The following COX5A variants were observed in gnomAD, a reference collection of about 807,000 sequenced individuals.
The protein encoded by COX5A is cytochrome c oxidase subunit 5A, mitochondrial.
Under a neutral mutation model 16.1 loss-of-function variants are expected in COX5A, and 6 were observed. The ratio of observed to expected loss-of-function variants is 0.37; its 90% CI spans 0.20 to 0.73. The LOEUF (loss-of-function observed/expected upper bound fraction) is 0.73, where lower values mean the gene tolerates loss of function less well. COX5A is among the 30% of genes least tolerant of loss of function. The pLI, the probability that COX5A is intolerant of heterozygous loss-of-function variation, is 0.50. For missense variants in COX5A, 159 were observed against 194.9 expected (o/e 0.82, Z 1.10); for synonymous variants, 73 against 73.8 (o/e 0.99, Z 0.06).
rs556327369 is a variant in COX5A at position 74,923,173 on chromosome 15, C to T, written c.*9+475G>A. Reference sequence around the variant, plus strand: ...GGGCGCGGTGGCTCAAGCCTGTAATCCCAGCACTTTGGGAGGCCAAGGCAG... The same window carrying T: ...GGGCGCGGTGGCTCAAGCCTGTAATTCCAGCACTTTGGGAGGCCAAGGCAG... On this transcript the variant is annotated intron_variant, in intron 4 of 4. Transcript: ENST00000322347. Among the ~76,000 whole-genome samples the T allele has an allele frequency of 2.3e-4, 35 of 152,006 alleles. 1 individual carries two copies. In the South Asian group the frequency reaches 2.9e-3, roughly 13 times the overall value.
chr15:74,933,076 G>A (rs1348984168), intron 1 of COX5A, among the ~76,000 whole-genome samples: 1 of 151,888 alleles, frequency 6.6e-6, no homozygotes, highest in African/African-American at 2.4e-5. Flanking sequence ...AAAACTACGT[G>A]GATATTTAAT....
rs995765948 is a variant in COX5A at position 74,922,896 on chromosome 15, C to A, written c.*9+752G>T. On this transcript the variant is annotated intron_variant, in intron 4 of 4. Coordinates refer to ENST00000322347, the MANE Select transcript of COX5A (RefSeq NM_004255.4). Reference sequence around the variant, plus strand: ...GGTCTCGAACTCCTGACCTTGTGATCCACCCGCCTCGGCCTCCCAAAGTCC... The same window carrying A: ...GGTCTCGAACTCCTGACCTTGTGATACACCCGCCTCGGCCTCCCAAAGTCC... Among the ~76,000 whole-genome samples, 4 of 152,084 alleles carry A rather than the reference C, an allele frequency of 2.6e-5. No homozygotes were observed. The South Asian group carries it at 8.3e-4, about 32-fold the overall frequency.
chr15:74,929,281 T>C, intron 1 of COX5A, 49 bp from the exon 2 acceptor site: 1 of 1,312,814 alleles, frequency 7.6e-7, no homozygotes, highest in Non-Finnish European at 1.1e-6. Flanking sequence ...TAGTACTTGA[T>C]ATATTTTGTT....
intron 4 of COX5A, 42 bp from the exon 5 acceptor site, chr15:74,920,484 GA>G (rs1327504658): frequency 3.0e-6 from 2 of 674,184 alleles, no homozygotes; most frequent in East Asian, 2.7e-5. Context: ...AAAGAATAAA[GA>G]AAAAGTAGAA....
intron 3 of COX5A, among the ~76,000 whole-genome samples, chr15:74,924,638 A>C (rs753956721): frequency 3.0e-4 from 45 of 151,780 alleles, no homozygotes; most frequent in Non-Finnish European, 5.1e-4. Flanking sequence ...AGAACATCTT[A>C]AAGTCTAGAA....
Position 74,929,109 on chromosome 15 carries a change from C to T in COX5A, c.217+7G>A, listed in dbSNP as rs1229961290. The T allele has an allele frequency of 1.9e-6, 3 of 1,578,284 alleles. No homozygotes were observed. The South Asian group carries it at 3.3e-5, about 17-fold the overall frequency. ...AAAATAGACAAATATGTTTATGTTC[C>T]AATTACCTTTACGCAATTCCCAGGC... On this transcript the variant is annotated splice_region_variant and intron_variant, in intron 2 of 4. Transcript: ENST00000322347.
intron 3 of COX5A, among the ~76,000 whole-genome samples, chr15:74,925,018 G>C (rs1274402064): frequency 6.6e-6 from 1 of 152,136 alleles, no homozygotes; most frequent in African/African-American, 2.4e-5. Context: ...CGAATAAGAA[G>C]TCAAAAGAAC....
intron 3 of COX5A, among the ~76,000 whole-genome samples, chr15:74,924,094 C>T (rs1031358132): frequency 6.6e-5 from 10 of 151,932 alleles, no homozygotes; most frequent in Non-Finnish European, 1.2e-4. Flanking sequence ...GCAGGAGAAT[C>T]GGCTTGAACC....
intron 4 of COX5A, among the ~76,000 whole-genome samples, chr15:74,922,959 T>C (rs921845143): frequency 5.9e-5 from 9 of 151,546 alleles, no homozygotes; most frequent in South Asian, 4.2e-4. Flanking sequence ...CCAGCCCAAA[T>C]AGAAATACTT....
At chr15:74,929,443 G>A (rs1250238772) in intron 1 of COX5A, among the ~76,000 whole-genome samples, 2 of 152,162 alleles carry the variant, frequency 1.3e-5, no homozygotes, top group Non-Finnish European at 2.9e-5. Flanking sequence ...ACATAGGCAT[G>A]TTTATACTTT....
At chr15:74,928,448 G>T (rs1251673339) in intron 2 of COX5A, among the ~76,000 whole-genome samples, 15 of 151,654 alleles carry the variant, frequency 9.9e-5, no homozygotes, top group Admixed American at 9.9e-4. Flanking sequence ...GCAGTGGCGC[G>T]ATCTCGGCTC....
In COX5A at chr15:74,925,794, C is replaced by G. The variant is rs180708034; in HGVS notation, c.339+972G>C. Among the ~76,000 whole-genome samples, 440 of 152,180 alleles carry G rather than the reference C, an allele frequency of 2.9e-3. 4 individuals carry two copies. Among genetic ancestry groups the G allele is most frequent in the African/African-American group, 0.01 (422 of 41,542 alleles). ...TAAGAATTCCTAACATTTCGTATGA[C>G]AAATAGCAAGAAGATGAATACACTT... is the stretch of plus-strand genomic sequence containing the variant. On this transcript the variant is annotated intron_variant, in intron 3 of 4. Coordinates refer to ENST00000322347, the MANE Select transcript of COX5A (RefSeq NM_004255.4).
chr15:74,922,123 A>G lies in COX5A; in HGVS notation c.*9+1525T>C, dbSNP rs143601544. On this transcript the variant is annotated intron_variant, in intron 4 of 4. Transcript: ENST00000322347. Reference sequence around the variant, plus strand: ...AGATCCCACCTGGGCGTGGTGGCTCATGCCTGTAATCCCAGCACTTTGGGA... The same window carrying G: ...AGATCCCACCTGGGCGTGGTGGCTCGTGCCTGTAATCCCAGCACTTTGGGA... Among the ~76,000 whole-genome samples, 34 of 152,316 alleles carry G rather than the reference A, an allele frequency of 2.2e-4. No individual in the cohort carries two copies. The East Asian group carries it at 6.2e-3, about 28-fold the overall frequency.
chr15:74,934,321 A>G (rs955051268), intron 1 of COX5A, among the ~76,000 whole-genome samples: 1 of 151,236 alleles, frequency 6.6e-6, no homozygotes, highest in Non-Finnish European at 1.5e-5. Context: ...GACTCTCCCC[A>G]CGTGATTTAA....
chr15:74,924,688 G>A (rs2065335982), intron 3 of COX5A, among the ~76,000 whole-genome samples: 1 of 152,170 alleles, frequency 6.6e-6, no homozygotes, highest in South Asian at 2.1e-4. Flanking sequence ...ATTTTGTGAA[G>A]GCAATTAGAC....
chr15:74,932,223 T>C (rs925498829), intron 1 of COX5A, among the ~76,000 whole-genome samples: 1 of 152,226 alleles, frequency 6.6e-6, no homozygotes, highest in Non-Finnish European at 1.5e-5. Flanking sequence ...ATAGAAATCA[T>C]AACTTAAAGA....
At chr15:74,922,935 G>A (rs1302798347) in intron 4 of COX5A, among the ~76,000 whole-genome samples, 5 of 151,998 alleles carry the variant, frequency 3.3e-5, no homozygotes, top group Non-Finnish European at 4.4e-5. Flanking sequence ...GATTACAGGC[G>A]TGAGCCACTG....
Position 74,937,906 on chromosome 15 carries a change from G to C in COX5A, c.100+9C>G, listed in dbSNP as rs2065399419. 8.1e-7 allele frequency: 1 copy of C among 1,230,326 alleles called. No individual in the cohort carries two copies. Among genetic ancestry groups the C allele is most frequent in the African/African-American group, 1.6e-5 (1 of 64,392 alleles). The allele number at this position is 1,230,326 out of a possible 1,614,324, so 76.2% of individuals were successfully genotyped here. On this transcript the variant is annotated intron_variant, in intron 1 of 4. Coordinates refer to ENST00000322347, the MANE Select transcript of COX5A (RefSeq NM_004255.4). Reference sequence around the variant, plus strand: ...CGAGGGCGCGGGCAGTGGCAAGCAGGGGCCTTACCCACGGCGGGGCCGGGG... The same window carrying C: ...CGAGGGCGCGGGCAGTGGCAAGCAGCGGCCTTACCCACGGCGGGGCCGGGG...
At chr15:74,925,954 C>G (rs1432644075) in intron 3 of COX5A, among the ~76,000 whole-genome samples, 3 of 151,668 alleles carry the variant, frequency 2.0e-5, no homozygotes, top group African/African-American at 7.3e-5. Flanking sequence ...CTACCTCCGC[C>G]TCCCGGGTTC....
Sources: allele counts gnomAD v4.1 joint callset (sites outside exome capture counted in the v4.1 genomes callset), GRCh38; gene constraint gnomAD v4.1.1; transcripts MANE v1.5; gene names NCBI Gene and HGNC (gene_info 2026-07-23, HGNC 2026-07-21).